The following VRK2 variants were observed in gnomAD, a reference collection of about 807,000 sequenced individuals.
The protein encoded by VRK2 is VRK serine/threonine kinase 2, also known as serine/threonine-protein kinase VRK2.
Under a neutral mutation model 57.6 loss-of-function variants are expected in VRK2, and 60 were observed. The observed-to-expected ratio is 1.04, with a 90% confidence interval of 0.85 to 1.29. VRK2 has a LOEUF of 1.29. Ranked by LOEUF, VRK2 falls within the 50% of genes most tolerant of loss-of-function variation. VRK2 has a pLI of 0.00. For synonymous variants in VRK2, 231 were observed against 199.2 expected (o/e 1.16, Z -1.35); for missense variants, 705 against 588.1 (o/e 1.20, Z -2.06).
intron 2 of VRK2, among the ~76,000 whole-genome samples, chr2:58,029,328 T>C (rs1674042436): frequency 6.6e-6 from 1 of 152,104 alleles, no homozygotes; most frequent in African/African-American, 2.4e-5. Flanking sequence ...ACTTCCACCA[T>C]TCTTTTCTGT....
intron 2 of VRK2, among the ~76,000 whole-genome samples, chr2:58,076,303 C>T (rs1389552846): frequency 6.6e-6 from 1 of 151,904 alleles, no homozygotes; most frequent in African/African-American, 2.4e-5. Flanking sequence ...TCATAGTTTA[C>T]CCTAGCCTAC....
chr2:57,973,844 T>A (rs897006993), intron 1 of VRK2, among the ~76,000 whole-genome samples: 2 of 151,580 alleles, frequency 1.3e-5, no homozygotes, highest in Non-Finnish European at 3.0e-5. Context: ...GAGGCCAATA[T>A]CTAGTGGAGA....
At chr2:58,016,782 GAA>G (rs1187379058) in intron 1 of VRK2, among the ~76,000 whole-genome samples, 4 of 152,186 alleles carry the variant, frequency 2.6e-5, no homozygotes, top group Non-Finnish European at 5.9e-5. Context: ...AGAGATTTCT[GAA>G]AATTTGCTAC....
chr2:58,149,964 G>C (rs1044895677), intron 12 of VRK2, among the ~76,000 whole-genome samples: 1 of 149,962 alleles, frequency 6.7e-6, no homozygotes, highest in African/African-American at 2.4e-5. Context: ...AGACTGATGA[G>C]GGATACTGGT....
intron 7 of VRK2, among the ~76,000 whole-genome samples, chr2:58,111,291 A>T (rs1675530612): frequency 6.6e-6 from 1 of 152,190 alleles, no homozygotes; most frequent in Non-Finnish European, 1.5e-5. Context: ...TTATAAAAAA[A>T]AGTAATGTCT....
At position 58,137,165 on chromosome 2, in the gene VRK2, T is replaced by TATATCATATATATCATATATGATA. The variant is rs1400037447; in HGVS notation, c.856+1966_856+1967insATATCATATATATCATATATGATA. Among the ~76,000 whole-genome samples, 39 of 4,914 alleles carry TATATCATATATATCATATATGATA rather than the reference T, an allele frequency of 7.9e-3. No homozygotes were observed. The East Asian group carries it at 0.14, about 18-fold the overall frequency. 3.2% of individuals were successfully genotyped at this position (4,914 alleles called of 152,430 possible). On this transcript the variant is annotated intron_variant, in intron 10 of 12. Coordinates refer to ENST00000340157, the MANE Select transcript of VRK2 (RefSeq NM_006296.7). ...CATATATATCATGTGTTTATATATA[T>TATATCATATATATCATATATGATA]CATATATCATATATATCATATATGA...
chr2:58,141,014 C>T (rs1681247181), intron 11 of VRK2, among the ~76,000 whole-genome samples: 1 of 152,022 alleles, frequency 6.6e-6, no homozygotes, highest in Non-Finnish European at 1.5e-5. Context: ...GCAAGTGCCT[C>T]ACAAACCAAT....
At chr2:58,005,075 A>C (rs576667719) in intron 1 of VRK2, among the ~76,000 whole-genome samples, 4 of 152,312 alleles carry the variant, frequency 2.6e-5, no homozygotes, top group African/African-American at 9.6e-5. Flanking sequence ...TGAAGAAAGA[A>C]GGCTTGCAAT....
chr2:57,939,002 G>T (rs930454986), intron 1 of VRK2, among the ~76,000 whole-genome samples: 1 of 152,164 alleles, frequency 6.6e-6, no homozygotes, highest in Admixed American at 6.5e-5. Flanking sequence ...AGCAACACAG[G>T]CAGTTCAAAC....
intron 2 of VRK2, among the ~76,000 whole-genome samples, chr2:58,081,283 A>G (rs1023914578): frequency 6.7e-4 from 101 of 151,832 alleles, no homozygotes; most frequent in African/African-American, 2.4e-3. Context: ...TGCATAAGCA[A>G]TAAAAACTGT....
intron 3 of VRK2, among the ~76,000 whole-genome samples, chr2:58,036,824 A>G (rs1289666071): frequency 1.3e-5 from 2 of 152,074 alleles, no homozygotes; most frequent in African/African-American, 2.4e-5. Context: ...TGATGGAAAT[A>G]TTTTATAATC....
chr2:58,023,623 T>C (rs949253285), intron 1 of VRK2, among the ~76,000 whole-genome samples: 1 of 152,176 alleles, frequency 6.6e-6, no homozygotes, highest in African/African-American at 2.4e-5. Flanking sequence ...ATGTCTGCAA[T>C]TAAAATGATC....
chr2:58,095,368 G>A (rs1672988937), intron 7 of VRK2, among the ~76,000 whole-genome samples: 1 of 151,678 alleles, frequency 6.6e-6, no homozygotes, highest in Non-Finnish European at 1.5e-5. Context: ...ATTTGGGGGA[G>A]ACCTCACATC....
upstream of VRK2, chr2:58,046,746 G>C (rs551438200): frequency 1.0e-6 from 1 of 985,554 alleles, no homozygotes; most frequent in African/African-American, 1.7e-5. Context: ...AGGTCCTAGG[G>C]AGGGCAGGCT....
intron 10 of VRK2, among the ~76,000 whole-genome samples, chr2:58,136,815 CAT>C (rs1381711362): frequency 5.1e-4 from 64 of 126,592 alleles, no homozygotes; most frequent in East Asian, 2.7e-3. Flanking sequence ...GTATATATAT[CAT>C]ATATGTGTGT....
chr2:57,915,653 C>T (rs982736166), intron 1 of VRK2, among the ~76,000 whole-genome samples: 5 of 152,168 alleles, frequency 3.3e-5, no homozygotes, highest in African/African-American at 1.2e-4. Flanking sequence ...TGAAACCTTA[C>T]TATAAACAGT....
chr2:57,979,843 T>C (rs1189256734), intron 1 of VRK2, among the ~76,000 whole-genome samples: 1 of 152,156 alleles, frequency 6.6e-6, no homozygotes, highest in Non-Finnish European at 1.5e-5. Flanking sequence ...TTCATAATAG[T>C]CTCTGAGGGT....
intron 1 of VRK2, among the ~76,000 whole-genome samples, chr2:57,939,437 T>C (rs1389187788): frequency 2.0e-5 from 3 of 152,222 alleles, no homozygotes; most frequent in South Asian, 2.1e-4. Flanking sequence ...CTTTTTTCTA[T>C]AATAAAACAG....
intron 7 of VRK2, among the ~76,000 whole-genome samples, chr2:58,111,280 G>A (rs1007263183): frequency 2.6e-5 from 4 of 151,912 alleles, no homozygotes; most frequent in African/African-American, 9.7e-5. Context: ...ACCTCACAAA[G>A]TTATAAAAAA....
Sources: gnomAD v4.1 joint callset for allele counts (sites outside exome capture counted in the v4.1 genomes callset) on GRCh38, gnomAD v4.1.1 for gene constraint, MANE v1.5 for transcripts, NCBI Gene and HGNC (gene_info 2026-07-23, HGNC 2026-07-21) for gene names.